DSCAM: variants seen among roughly 807,000 people sequenced by gnomAD.
The protein encoded by DSCAM is cell adhesion molecule DSCAM.
A neutral mutation model predicts 217.7 loss-of-function variants in DSCAM; 47 were observed. The ratio of observed to expected loss-of-function variants is 0.22; its 90% CI spans 0.17 to 0.28. DSCAM has a LOEUF of 0.28. Among genes scored for constraint, DSCAM ranks in the 10% least tolerant of loss-of-function variants. DSCAM has a pLI of 1.00. For missense variants in DSCAM, 2,080 were observed against 2,618.3 expected, an observed-to-expected ratio of 0.79 and a Z score of 4.49; for synonymous variants, 1,056 against 1,015.3, an observed-to-expected ratio of 1.04 and a Z score of -0.76.
At chr21:40,670,015 A>G (rs80063759) in intron 3 of DSCAM, among the ~76,000 whole-genome samples, 5,379 of 152,178 alleles carry the variant, frequency 0.035, 308 homozygotes, top group African/African-American at 0.12. Flanking sequence ...CAAAATAATT[A>G]TGATTATGAT....
chr21:40,692,338 T>C (rs1479223627), intron 3 of DSCAM, among the ~76,000 whole-genome samples: 4 of 152,242 alleles, frequency 2.6e-5, no homozygotes, highest in African/African-American at 9.6e-5. Flanking sequence ...GCTACATATA[T>C]ATTCTTAGTA....
Position 40,406,194 on chromosome 21 carries a change from G to A in DSCAM, c.509-36949C>T, listed in dbSNP as rs530701851. ...AGAGAAAAGGGAACCCCTATGAACTGTTGGTGGAGAACATAAGCTAGGACA... is the reference window on the plus strand; with the variant it reads ...AGAGAAAAGGGAACCCCTATGAACTATTGGTGGAGAACATAAGCTAGGACA... On this transcript the variant is annotated intron_variant, in intron 3 of 32. Transcript: ENST00000400454. Among the ~76,000 whole-genome samples the A allele has an allele frequency of 7.8e-4, 119 of 152,278 alleles. 2 individuals carry two copies. The highest frequency in any genetic ancestry group is 1.5e-4 in the Non-Finnish European group (10 of 68,020).
At chr21:40,243,734 T>C (rs1307600408) in intron 11 of DSCAM, among the ~76,000 whole-genome samples, 1 of 152,184 alleles carries the variant, frequency 6.6e-6, no homozygotes, top group Non-Finnish European at 1.5e-5. Context: ...CAGGTGTGAT[T>C]GCTGAATTCG....
intron 2 of DSCAM, among the ~76,000 whole-genome samples, chr21:40,700,587 T>C (rs532719607): frequency 6.6e-6 from 1 of 152,318 alleles, no homozygotes; most frequent in East Asian, 1.9e-4. Context: ...AATTTTTACA[T>C]GTATAGTCAG....
chr21:40,530,114 T>C (rs753235444), intron 3 of DSCAM, among the ~76,000 whole-genome samples: 33 of 152,212 alleles, frequency 2.2e-4, no homozygotes, highest in Admixed American at 3.9e-4. Context: ...AGCTCCACAC[T>C]GCCCCCAGAA....
chr21:40,258,240 C>G lies in DSCAM; in HGVS notation c.2356+17857G>C, dbSNP rs142262913. Among the ~76,000 whole-genome samples, 494 of 152,286 alleles carry G rather than the reference C, an allele frequency of 3.2e-3. 2 individuals carry two copies. The highest frequency in any genetic ancestry group is 0.011 in the African/African-American group (467 of 41,542). ...TCTTCCTGGAGATCTTCTTCTATGT[C>G]TGGCATCAGCTCTCCTGCTCTTTCC... On this transcript the variant is annotated intron_variant, in intron 11 of 32. Transcript: ENST00000400454.
intron 26 of DSCAM, among the ~76,000 whole-genome samples, chr21:40,078,214 G>C (rs1283053474): frequency 1.3e-5 from 2 of 152,178 alleles, no homozygotes; most frequent in Non-Finnish European, 1.5e-5. Context: ...TCCATCAGTG[G>C]CCCTGCTCCT....
At chr21:40,477,730 T>C (rs1007614440) in intron 3 of DSCAM, among the ~76,000 whole-genome samples, 3 of 152,246 alleles carry the variant, frequency 2.0e-5, no homozygotes, top group African/African-American at 7.2e-5. Flanking sequence ...ATCAAAATGA[T>C]ATATTTAATC....
chr21:40,651,204 G>A (rs1280221411), intron 3 of DSCAM, among the ~76,000 whole-genome samples: 2 of 152,154 alleles, frequency 1.3e-5, no homozygotes, highest in Non-Finnish European at 2.9e-5. Context: ...TCCTGGGGTG[G>A]AGAAGCATCT....
At chr21:40,378,622 C>T (rs1305362258) in intron 3 of DSCAM, among the ~76,000 whole-genome samples, 2 of 109,346 alleles carry the variant, frequency 1.8e-5, no homozygotes, top group African/African-American at 3.6e-5. Context: ...GACGGAGTCT[C>T]GCTCTGTCGC....
chr21:40,550,210 G>A (rs942549505), intron 3 of DSCAM, among the ~76,000 whole-genome samples: 23 of 152,042 alleles, frequency 1.5e-4, no homozygotes, highest in African/African-American at 5.6e-4. Flanking sequence ...AGGGCTTTCT[G>A]CTGTTTAGCC....
chr21:40,207,585 T>C (rs572247746), intron 11 of DSCAM, among the ~76,000 whole-genome samples: 2 of 152,316 alleles, frequency 1.3e-5, no homozygotes, highest in East Asian at 3.9e-4. Flanking sequence ...AGGCACAACA[T>C]AAATGTTCAC....
At chr21:40,731,732 C>G (rs868346550) in intron 1 of DSCAM, among the ~76,000 whole-genome samples, 24 of 114,916 alleles carry the variant, frequency 2.1e-4, no homozygotes, top group African/African-American at 6.2e-4. Context: ...CACTGCACCC[C>G]CCCCCCCGCC....
intron 3 of DSCAM, among the ~76,000 whole-genome samples, chr21:40,656,974 G>A (rs1381481515): frequency 6.6e-6 from 1 of 152,204 alleles, no homozygotes; most frequent in Non-Finnish European, 1.5e-5. Context: ...TTTAATGCAA[G>A]TATGGGACTT....
intron 1 of DSCAM, among the ~76,000 whole-genome samples, chr21:40,779,550 G>T (rs1179272072): frequency 1.3e-5 from 2 of 152,214 alleles, no homozygotes; most frequent in African/African-American, 4.8e-5. Context: ...CGAAGCTGCT[G>T]TCCTCATGGA....
At chr21:40,342,610 A>G (rs914792464) in intron 6 of DSCAM, among the ~76,000 whole-genome samples, 3 of 116,888 alleles carry the variant, frequency 2.6e-5, no homozygotes, top group South Asian at 2.7e-4. Flanking sequence ...GTATGTGTAT[A>G]TGTGTGTGTG....
At chr21:40,552,142 C>T (rs112070516) in intron 3 of DSCAM, among the ~76,000 whole-genome samples, 5,341 of 152,072 alleles carry the variant, frequency 0.035, 321 homozygotes, top group African/African-American at 0.12. Flanking sequence ...AGTGAAACCC[C>T]GTCTCTACTA....
chr21:40,311,959 TTAGTGAGATAAAACTGA>T, intron 9 of DSCAM, 105 bp downstream of exon 9: 2 of 402,554 alleles, frequency 5.0e-6, no homozygotes, highest in Non-Finnish European at 7.7e-6. Context: ...TTTTTTTTTT[TTAGTGAGATAAAACTGA>T]ATTTCTAAGT....
intron 11 of DSCAM, among the ~76,000 whole-genome samples, chr21:40,265,288 T>C (rs530163001): frequency 9.2e-5 from 14 of 152,040 alleles, no homozygotes; most frequent in African/African-American, 3.1e-4. Flanking sequence ...AAATATACTC[T>C]ACCAAGGAGG....
Sources: gnomAD v4.1 joint callset for allele counts (sites outside exome capture counted in the v4.1 genomes callset) on GRCh38, gnomAD v4.1.1 for gene constraint, MANE v1.5 for transcripts, NCBI Gene and HGNC (gene_info 2026-07-23, HGNC 2026-07-21) for gene names.